The following CAV2 variants were observed in gnomAD, a reference collection of about 807,000 sequenced individuals.
CAV2 encodes the protein caveolin-2.
A neutral mutation model predicts 15.5 loss-of-function variants in CAV2; 7 were observed. That is an observed-to-expected ratio of 0.45 (90% CI 0.26 to 0.85). The LOEUF (loss-of-function observed/expected upper bound fraction) is 0.85, where lower values mean the gene tolerates loss of function less well. CAV2 is among the 40% of genes least tolerant of loss of function. The pLI is 0.18. For synonymous variants in CAV2, 76 were observed against 83.1 expected (o/e 0.91, Z 0.46); for missense variants, 229 against 208.8 (o/e 1.10, Z -0.60).
At chr7:116,503,778 C>A (rs1184320093) in intron 2 of CAV2, among the ~76,000 whole-genome samples, 2 of 150,768 alleles carry the variant, frequency 1.3e-5, no homozygotes, top group Non-Finnish European at 2.9e-5. Flanking sequence ...TGCAGTGAGC[C>A]GAGATCACTT....
chr7:116,502,602 C>G (rs549470645), intron 2 of CAV2, among the ~76,000 whole-genome samples: 1 of 151,990 alleles, frequency 6.6e-6, no homozygotes, highest in Non-Finnish European at 1.5e-5. Context: ...GTTTTGTTTT[C>G]TTTTTATATA....
At position 116,499,796 on chromosome 7, in the gene CAV2, G is replaced by A. The variant is rs764048703; in HGVS notation, c.15G>A (p.Thr5=). Residue 5 remains threonine (T), a synonymous_variant, in exon 1 of 3, where the codon ACG becomes ACA. Transcript: ENST00000222693. MGLE[T]EKADVQLFMD... ...CCAAGGCTGCGATGGGGCTGGAGAC[G>A]GAGAAGGCGGACGTACAGCTCTTCA... 6.3e-7 allele frequency: 1 copy of A among 1,578,166 alleles called. No homozygotes were observed. Among genetic ancestry groups the A allele is most frequent in the Admixed American group, 1.8e-5 (1 of 54,262 alleles).
chr7:116,506,089 T>A lies in CAV2; in HGVS notation c.457T>A (p.Ser153Thr), dbSNP rs1429898864. The part of the protein sequence containing the change: ...PLCTSVGRCF[S>T]SVSLQLSQD Reference sequence around the variant, plus strand: ...GTGTACGAGCGTAGGACGATGCTTCTCTTCTGTCAGCCTGCAACTGAGCCA... The same window carrying A: ...GTGTACGAGCGTAGGACGATGCTTCACTTCTGTCAGCCTGCAACTGAGCCA... The change falls in exon 3 of 3, where the codon TCT becomes ACT. Residue 153 changes from serine to threonine, a missense_variant. Physicochemically the swap from Ser to Thr is moderately conservative, Grantham distance 58. Transcript: ENST00000222693. 2 of 1,614,020 alleles carry A rather than the reference T, an allele frequency of 1.2e-6. No individual in the cohort carries two copies. Among genetic ancestry groups the A allele is most frequent in the Non-Finnish European group, 1.7e-6 (2 of 1,179,998 alleles).
At chr7:116,505,143 G>A (rs1197833349) in intron 2 of CAV2, among the ~76,000 whole-genome samples, 2 of 152,178 alleles carry the variant, frequency 1.3e-5, no homozygotes, top group Non-Finnish European at 2.9e-5. Flanking sequence ...GAAATACAAT[G>A]AGGGAATATC....
intron 2 of CAV2, 115 bp downstream of exon 2, chr7:116,500,562 A>G (rs2270189): frequency 0.51 from 478,771 of 947,726 alleles, 124,706 homozygotes; most frequent in East Asian, 0.76. Context: ...AACGCGCATC[A>G]GTTCCCAAGC....
rs578056200 is a variant in CAV2, at chr7:116,507,274, A to G, written c.*1153A>G. On this transcript the variant is annotated 3_prime_UTR_variant, in exon 3 of 3. Coordinates refer to ENST00000222693, the MANE Select transcript of CAV2 (RefSeq NM_001233.5). The stretch of plus-strand genomic sequence containing the variant: ...AAAAACTAACAGCTACAAACTTTTA[A>G]GATTTCTCTAATATTGGTATGTAAC... 6.6e-6 allele frequency: 1 copy of G among 152,420 alleles called. No homozygotes were observed. The highest frequency in any genetic ancestry group is 2.4e-5 in the African/African-American group (1 of 41,586). The allele number at this position is 152,420 out of a possible 1,614,324, so 9.4% of individuals were successfully genotyped here.
At position 116,499,781 on chromosome 7, in the gene CAV2, G is replaced by C; in HGVS notation, c.-1G>C. 6.4e-7 allele frequency: 1 copy of C among 1,553,164 alleles called. No homozygotes were observed. The highest frequency in any genetic ancestry group is 8.7e-7 in the Non-Finnish European group (1 of 1,152,060). On this transcript the variant is annotated 5_prime_UTR_variant, in exon 1 of 3. Coordinates refer to ENST00000222693, the MANE Select transcript of CAV2 (RefSeq NM_001233.5). ...TGCAGCGGCCGCGCACCAAGGCTGC[G>C]ATGGGGCTGGAGACGGAGAAGGCGG...
At chr7:116,500,656 A>T in intron 2 of CAV2, 1 of 566,116 alleles carries the variant, frequency 1.8e-6, no homozygotes, top group East Asian at 3.0e-5. Flanking sequence ...CAGGAGAAAG[A>T]ATGTCGGTCT....
rs1201547976 is a variant in CAV2 at position 116,506,552 on chromosome 7, T to A, written c.*431T>A. ...TAATACTTTTTAAATTACCTTTACA[T>A]ATATAGTCACTGGCATACTGAGAAT... On this transcript the variant is annotated 3_prime_UTR_variant, in exon 3 of 3. Coordinates refer to ENST00000222693, the MANE Select transcript of CAV2 (RefSeq NM_001233.5). 1 of 155,338 alleles carries A rather than the reference T, an allele frequency of 6.4e-6. No individual in the cohort carries two copies. The highest frequency in any genetic ancestry group is 1.4e-5 in the Non-Finnish European group (1 of 70,298). 9.6% of individuals were successfully genotyped at this position (155,338 alleles called of 1,614,324 possible).
intron 2 of CAV2, among the ~76,000 whole-genome samples, chr7:116,503,186 A>G (rs1268816555): frequency 6.7e-6 from 1 of 149,360 alleles, no homozygotes. Context: ...ATATATTATA[A>G]GATTTACTTA....
At position 116,500,375 on chromosome 7, in the gene CAV2, C is replaced by A. The variant is rs760146851; in HGVS notation, c.266C>A (p.Thr89Lys). 2.5e-6 allele frequency: 4 copies of A among 1,614,174 alleles called. No homozygotes were observed. In the South Asian group the frequency reaches 4.4e-5, roughly 18 times the overall value. The stretch of plus-strand genomic sequence containing the variant: ...AAATACGTAATGTACAAGTTCCTGA[C>A]GGTGTTCCTGGCCATTCCCCTGGCC... ...ISKYVMYKFL[T>K]VFLAIPLAFI... Residue 89 changes from threonine to lysine, a missense_variant, in exon 2 of 3, where the codon ACG becomes AAG. Thr to Lys is a moderately conservative substitution (Grantham distance 78). Coordinates refer to ENST00000222693, the MANE Select transcript of CAV2 (RefSeq NM_001233.5).
chr7:116,508,448 T>C lies in CAV2; in HGVS notation c.*2327T>C, dbSNP rs1793295150. The C allele has an allele frequency of 6.6e-6, 1 of 152,184 alleles. No individual in the cohort carries two copies. The highest frequency in any genetic ancestry group is 2.4e-5 in the African/African-American group (1 of 41,456). 9.4% of individuals were successfully genotyped at this position (152,184 alleles called of 1,614,324 possible). On this transcript the variant is annotated 3_prime_UTR_variant, in exon 3 of 3. Coordinates refer to ENST00000222693, the MANE Select transcript of CAV2 (RefSeq NM_001233.5). ...TTTTGTACCAAGTAAATCCAGGCTT[T>C]ATGTACAAACATGTTGTTTGTTTTA...
At chr7:116,504,284 T>A (rs184098908) in intron 2 of CAV2, among the ~76,000 whole-genome samples, 1 of 152,116 alleles carries the variant, frequency 6.6e-6, no homozygotes, top group Admixed American at 6.5e-5. Flanking sequence ...TTCTGAGAGA[T>A]CTCCTGGTGT....
intron 2 of CAV2, among the ~76,000 whole-genome samples, chr7:116,503,891 GA>G (rs1793161946): frequency 1.7e-5 from 1 of 57,842 alleles, no homozygotes; most frequent in Admixed American, 1.9e-4. Context: ...GAAAGAGAGG[GA>G]GGGAGGGAGG....
In CAV2 at chr7:116,504,639, A is replaced by T. The variant is rs1584756643; in HGVS notation, c.339-1332A>T. On this transcript the variant is annotated intron_variant, in intron 2 of 2. Coordinates refer to ENST00000222693, the MANE Select transcript of CAV2 (RefSeq NM_001233.5). ...AAAATCAGCCTACTCCCTTATGCCC[A>T]CCCAGGTAATAATAAAGCTTCCATT... Among the ~76,000 whole-genome samples, 3 of 152,170 alleles carry T rather than the reference A, an allele frequency of 2.0e-5. No homozygotes were observed. In the East Asian group the frequency reaches 5.8e-4, roughly 29 times the overall value.
rs1004783718 is a variant in CAV2 at position 116,506,042 on chromosome 7, C to T, written c.410C>T (p.Thr137Ile). 6 of 1,613,592 alleles carry T rather than the reference C, an allele frequency of 3.7e-6. No homozygotes were observed. The highest frequency in any genetic ancestry group is 1.6e-4 in the Middle Eastern group (1 of 6,062). ...GTGCAGACAATATGGAAGAGTGTGA[C>T]AGATGTTATCATTGCTCCATTGTGT... ...PSVQTIWKSV[T>I]DVIIAPLCTS... Residue 137 changes from threonine to isoleucine, a missense_variant, in exon 3 of 3, where the codon ACA (threonine) becomes ATA (isoleucine). Physicochemically the swap from Thr to Ile is moderately conservative, Grantham distance 89. Coordinates refer to ENST00000222693, the MANE Select transcript of CAV2 (RefSeq NM_001233.5).
chr7:116,504,316 GC>G (rs1452937871), intron 2 of CAV2, among the ~76,000 whole-genome samples: 2 of 152,122 alleles, frequency 1.3e-5, no homozygotes, highest in Non-Finnish European at 2.9e-5. Context: ...GTAGCAACAT[GC>G]CCAAGACCAC....
In CAV2 at chr7:116,507,776, A is replaced by G. The variant is rs1317452285; in HGVS notation, c.*1655A>G. 6.6e-6 allele frequency: 1 copy of G among 152,222 alleles called. No homozygotes were observed. Among genetic ancestry groups the G allele is most frequent in the Non-Finnish European group, 1.5e-5 (1 of 68,036 alleles). The allele number at this position is 152,222 out of a possible 1,614,324, so 9.4% of individuals were successfully genotyped here. On this transcript the variant is annotated 3_prime_UTR_variant, in exon 3 of 3. Transcript: ENST00000222693. ...GTCTATAATGTGAGTAGTTACTAAA[A>G]TTTACACATCTTAAAAGTGTGTAAA...
intron 2 of CAV2, 108 bp downstream of exon 2, chr7:116,500,555 G>C: frequency 3.7e-6 from 4 of 1,076,124 alleles, no homozygotes; most frequent in Non-Finnish European, 5.4e-6. Context: ...GAGGAGGAAC[G>C]CGCATCAGTT....
Sources: gnomAD v4.1 joint callset for allele counts (sites outside exome capture counted in the v4.1 genomes callset) on GRCh38, gnomAD v4.1.1 for gene constraint, MANE v1.5 for transcripts, NCBI Gene and HGNC (gene_info 2026-07-23, HGNC 2026-07-21) for gene names.